The following KIF26B variants were observed in gnomAD, a reference collection of about 807,000 sequenced individuals.
The protein encoded by KIF26B is kinesin-like protein KIF26B.
KIF26B carries 63 observed loss-of-function variants against 151.2 expected under a neutral mutation model. The ratio of observed to expected loss-of-function variants is 0.42; its 90% confidence interval spans 0.34 to 0.51. The LOEUF (loss-of-function observed/expected upper bound fraction) is 0.51. KIF26B is among the 20% of genes least tolerant of loss of function. The probability of loss-of-function intolerance (pLI) is 0.07; values close to 1 mark genes in which losing one functional copy is unlikely to be tolerated. For missense variants in KIF26B, 2,813 were observed against 2,913.6 expected (o/e 0.97, Z 0.79); for synonymous variants, 1,357 against 1,262.1 (o/e 1.08, Z -1.59).
intron 14 of KIF26B, among the ~76,000 whole-genome samples, chr1:245,699,615 TC>T: frequency 4.6e-5 from 1 of 21,752 alleles, no homozygotes; most frequent in Non-Finnish European, 1.9e-4. Context: ...GATTCAATTG[TC>T]TTGTCTTATT....
In KIF26B at chr1:245,606,808, A is replaced by C. The variant is rs1166634900; in HGVS notation, c.1558-843A>C. ...ACGGGCGCAGTGGCTCACGCCTGTA[A>C]TCCCAGCACTTTGGGAGGCCGAGGC... On this transcript the variant is annotated intron_variant, in intron 6 of 14. Transcript: ENST00000407071. This position sits in a 1 kb window ranked among gnomAD's most constrained non-coding sequence, Gnocchi z 4.6. 6.6e-6 allele frequency among the ~76,000 whole-genome samples: 1 copy of C among 152,184 alleles called. No individual in the cohort carries two copies. The highest frequency in any genetic ancestry group is 1.5e-5 in the Non-Finnish European group (1 of 68,034).
intron 4 of KIF26B, among the ~76,000 whole-genome samples, chr1:245,487,100 G>T (rs1349099805): frequency 5.3e-5 from 5 of 94,134 alleles, no homozygotes; most frequent in South Asian, 3.3e-4. Flanking sequence ...AATTGAGAAT[G>T]GGGGGGGTGG....
At position 245,698,424 on chromosome 1, in the gene KIF26B, CT is replaced by C; in HGVS notation, c.6027+118del. On this transcript the variant is annotated intron_variant, in intron 13 of 14. Transcript: ENST00000407071. The surrounding 1 kb of genome is among the most constrained non-coding windows in gnomAD (Gnocchi z 4.0). ...ACTCAGACCCGGGCTTCCCAGCGGG[CT>C]TCTGGCATGGGTGGTGGGAAGGGGG... 1 of 935,910 alleles carries C rather than the reference CT, an allele frequency of 1.1e-6. No individual in the cohort carries two copies. Among genetic ancestry groups the C allele is most frequent in the South Asian group, 1.6e-5 (1 of 61,302 alleles). 58.0% of individuals were successfully genotyped at this position (935,910 alleles called of 1,614,324 possible). A position where few individuals can be genotyped will look rare whatever the true frequency, so the allele number is the denominator to read the frequency against.
At chr1:245,265,458 A>C (rs922605061) in intron 2 of KIF26B, among the ~76,000 whole-genome samples, 1 of 152,180 alleles carries the variant, frequency 6.6e-6, no homozygotes, top group African/African-American at 2.4e-5. Flanking sequence ...GTTGCAATGA[A>C]GGTCCTCACA....
In KIF26B at chr1:245,708,484, ATG is replaced by A. The variant is rs1488228546; in HGVS notation, c.*5886_*5887del. On this transcript the variant is annotated 3_prime_UTR_variant, in exon 15 of 15. Coordinates refer to ENST00000407071, the MANE Select transcript of KIF26B (RefSeq NM_018012.4). ...CTCTAAGGTGTGTGTACATACACGG[ATG>A]TGTGTGTACAGGAGGTACCTGACAT... 1.3e-5 allele frequency: 2 copies of A among 152,198 alleles called. No individual in the cohort carries two copies. Among genetic ancestry groups the A allele is most frequent in the African/African-American group, 2.4e-5 (1 of 41,446 alleles). The allele number at this position is 152,198 out of a possible 1,614,324, so 9.4% of individuals were successfully genotyped here.
intron 2 of KIF26B, among the ~76,000 whole-genome samples, chr1:245,311,685 C>T (rs1671668516): frequency 1.3e-5 from 2 of 152,192 alleles, no homozygotes; most frequent in African/African-American, 4.8e-5. Flanking sequence ...GTAATCCCAG[C>T]ACTTTGGGAG....
At chr1:245,449,461 C>T (rs527686187) in intron 4 of KIF26B, among the ~76,000 whole-genome samples, 1 of 152,046 alleles carries the variant, frequency 6.6e-6, no homozygotes, top group South Asian at 2.1e-4. Flanking sequence ...CTTGCATTGT[C>T]GCTGGATCAG....
intron 4 of KIF26B, among the ~76,000 whole-genome samples, chr1:245,485,886 G>A (rs1321747370): frequency 6.6e-6 from 1 of 152,124 alleles, no homozygotes; most frequent in East Asian, 1.9e-4. Flanking sequence ...ATGAAGGAAG[G>A]AGTTAAGATT....
At chr1:245,429,274 G>GAATTCTC (rs1245728341) in intron 4 of KIF26B, among the ~76,000 whole-genome samples, 1 of 152,182 alleles carries the variant, frequency 6.6e-6, no homozygotes, top group South Asian at 2.1e-4. Context: ...TGTCCTCAAT[G>GAATTCTC]AATTCTCAAC....
At position 245,367,444 on chromosome 1, in the gene KIF26B, C is replaced by A. The variant is rs191034894; in HGVS notation, c.999+77C>A. 15 of 1,304,764 alleles carry A rather than the reference C, an allele frequency of 1.1e-5. 1 individual carries two copies. The Admixed American group carries it at 3.0e-4, about 26-fold the overall frequency. 80.8% of individuals were successfully genotyped at this position (1,304,764 alleles called of 1,614,324 possible). Reference sequence around the variant, plus strand: ...GAGAAGTAGGCAGCACTTCCTTCCGCTGCCTCCTCCCGGGAACCCTGTAAC... The same window carrying A: ...GAGAAGTAGGCAGCACTTCCTTCCGATGCCTCCTCCCGGGAACCCTGTAAC... On this transcript the variant is annotated intron_variant, in intron 3 of 14. Transcript: ENST00000407071. The surrounding 1 kb of genome is among the most constrained non-coding windows in gnomAD (Gnocchi z 4.2).
At chr1:245,175,202 G>A (rs904823347) in intron 2 of KIF26B, among the ~76,000 whole-genome samples, 5 of 152,140 alleles carry the variant, frequency 3.3e-5, no homozygotes, top group African/African-American at 1.2e-4. Flanking sequence ...TCAGCATAGT[G>A]ACCCAGAGGT....
chr1:245,351,853 T>C (rs2103000840), intron 2 of KIF26B, among the ~76,000 whole-genome samples: 1 of 151,224 alleles, frequency 6.6e-6, no homozygotes, highest in South Asian at 2.1e-4. Flanking sequence ...GTTGAGACCA[T>C]GTTTGTTTCT....
rs151336153 is a variant in KIF26B at position 245,536,870 on chromosome 1, C to T, written c.1167-3897C>T. On this transcript the variant is annotated intron_variant, in intron 4 of 14. Transcript: ENST00000407071. ...TCACAGCATGGAAGCTGCGTTCCCACGGTGAGTGTCTCAAGAAAGGAAGCC... is the reference window on the plus strand; with the variant it reads ...TCACAGCATGGAAGCTGCGTTCCCATGGTGAGTGTCTCAAGAAAGGAAGCC... Among the ~76,000 whole-genome samples, 168 of 152,304 alleles carry T rather than the reference C, an allele frequency of 1.1e-3. 2 individuals carry two copies. The highest frequency in any genetic ancestry group is 3.8e-3 in the African/African-American group (156 of 41,570).
In KIF26B at chr1:245,380,770, C is replaced by G. The variant is rs181573076; in HGVS notation, c.999+13403C>G. ...AGGCCTCCTGGGGAGGGTTACCCAC[C>G]GCACACACTCCTGACGTGATTTCTT... On this transcript the variant is annotated intron_variant, in intron 3 of 14. Transcript: ENST00000407071. Among the ~76,000 whole-genome samples the G allele has an allele frequency of 3.8e-3, 575 of 152,078 alleles. 2 individuals are homozygous for G. Among genetic ancestry groups the G allele is most frequent in the South Asian group, 0.011 (55 of 4,796 alleles).
At chr1:245,217,818 A>G (rs1669679092) in intron 2 of KIF26B, among the ~76,000 whole-genome samples, 1 of 152,222 alleles carries the variant, frequency 6.6e-6, no homozygotes, top group Admixed American at 6.5e-5. Flanking sequence ...TTCAGAGCAC[A>G]GGTCCGCAGA....
intron 2 of KIF26B, among the ~76,000 whole-genome samples, chr1:245,347,692 T>C (rs960548549): frequency 4.6e-5 from 7 of 152,216 alleles, no homozygotes; most frequent in Non-Finnish European, 8.8e-5. Flanking sequence ...CAGTTTCTCA[T>C]CTCTATCCTC....
intron 2 of KIF26B, among the ~76,000 whole-genome samples, chr1:245,333,620 A>C (rs1490217028): frequency 6.6e-6 from 1 of 152,256 alleles, no homozygotes; most frequent in Non-Finnish European, 1.5e-5. Context: ...ACATTTTTAC[A>C]CACACGTGTG....
At chr1:245,282,154 A>G (rs1671067678) in intron 2 of KIF26B, among the ~76,000 whole-genome samples, 1 of 152,134 alleles carries the variant, frequency 6.6e-6, no homozygotes, top group African/African-American at 2.4e-5. Context: ...AATATCGTGA[A>G]AATGGCCATA....
intron 2 of KIF26B, among the ~76,000 whole-genome samples, chr1:245,300,004 C>T (rs1671401641): frequency 6.6e-6 from 1 of 152,206 alleles, no homozygotes; most frequent in Non-Finnish European, 1.5e-5. Flanking sequence ...AGCAGGGAAA[C>T]TGAGGATAGC....
Sources: allele counts gnomAD v4.1 joint callset (sites outside exome capture counted in the v4.1 genomes callset), GRCh38; gene constraint gnomAD v4.1.1; non-coding constraint Gnocchi (gnomAD v3.1); transcripts MANE v1.5; gene names NCBI Gene and HGNC (gene_info 2026-07-23, HGNC 2026-07-21).